The following SLC60A1 variants were observed in gnomAD, a reference collection of about 807,000 sequenced individuals.
SLC60A1 encodes major facilitator superfamily domain containing 4.
chr1:205,597,718 G>A, the SLC60A1 span: 1 of 1,574,484 alleles, frequency 6.4e-7, no homozygotes, highest in Admixed American at 1.7e-5. Context: ...AACCTGGATT[G>A]TAATGCTGGC....
At chr1:205,583,643 T>C in the SLC60A1 span, among the ~76,000 whole-genome samples, 1 of 152,162 alleles carries the variant, frequency 6.6e-6, no homozygotes, top group Non-Finnish European at 1.5e-5. Context: ...GGTGTGACAC[T>C]CCAGCAAGCT....
the SLC60A1 span, chr1:205,585,001 C>A: frequency 3.1e-6 from 5 of 1,610,028 alleles, no homozygotes; most frequent in Non-Finnish European, 4.3e-6. The surrounding 1 kb of genome is among the most constrained non-coding windows in gnomAD (Gnocchi z 4.2). Context: ...GGTGAGCCTG[C>A]CTCAGAGGGC....
At chr1:205,587,427 T>C in the SLC60A1 span, among the ~76,000 whole-genome samples, 17 of 152,268 alleles carry the variant, frequency 1.1e-4, no homozygotes, top group East Asian at 2.7e-3. Context: ...CTCGTGCCAG[T>C]TGACCCCCAA....
the SLC60A1 span, among the ~76,000 whole-genome samples, chr1:205,576,287 G>A: frequency 6.6e-6 from 1 of 152,188 alleles, no homozygotes; most frequent in East Asian, 1.9e-4. Context: ...ATTGCTCTTT[G>A]GGGAAGCCAG....
chr1:205,598,851 A>AT, the SLC60A1 span: 1 of 459,276 alleles, frequency 2.2e-6, no homozygotes, highest in African/African-American at 1.9e-5. Flanking sequence ...AGCTTCAGTG[A>AT]TGATAGAGAT....
At chr1:205,584,180 A>C in the SLC60A1 span, 2 of 1,495,370 alleles carry the variant, frequency 1.3e-6, no homozygotes, top group South Asian at 1.2e-5. Context: ...TTCCTTGGTA[A>C]CCCCTCTCCC....
the SLC60A1 span, chr1:205,569,096 G>C: frequency 6.6e-7 from 1 of 1,510,536 alleles, no homozygotes. Context: ...GCGTGTCGGG[G>C]CTGCTCCGCC....
At chr1:205,571,442 T>C in the SLC60A1 span, among the ~76,000 whole-genome samples, 1 of 152,210 alleles carries the variant, frequency 6.6e-6, no homozygotes, top group South Asian at 2.1e-4. Flanking sequence ...TGACAACTTC[T>C]GGGAATGTAA....
chr1:205,591,403 G>A, the SLC60A1 span, among the ~76,000 whole-genome samples: 2 of 149,026 alleles, frequency 1.3e-5, no homozygotes, highest in East Asian at 4.0e-4. Flanking sequence ...GAACGCTTGA[G>A]CCCTGTAGGT....
the SLC60A1 span, chr1:205,569,207 G>A: frequency 1.2e-5 from 18 of 1,555,614 alleles, 1 homozygote; most frequent in South Asian, 2.0e-4. Flanking sequence ...GCTGTCAGAC[G>A]CACAGCTCGC....
chr1:205,596,335 G>A, the SLC60A1 span, among the ~76,000 whole-genome samples: 1 of 152,016 alleles, frequency 6.6e-6, no homozygotes, highest in Non-Finnish European at 1.5e-5. Context: ...AACCCATCCA[G>A]GCATGGGGAC....
chr1:205,585,248 G>A, the SLC60A1 span, among the ~76,000 whole-genome samples: 1 of 152,134 alleles, frequency 6.6e-6, no homozygotes, highest in African/African-American at 2.4e-5. This position sits in a 1 kb window ranked among gnomAD's most constrained non-coding sequence, Gnocchi z 4.2. Flanking sequence ...ATAGGTAGGG[G>A]CCTAACTGGT....
chr1:205,579,586 C>A, the SLC60A1 span: 1 of 745,298 alleles, frequency 1.3e-6, no homozygotes, highest in Non-Finnish European at 2.2e-6. Flanking sequence ...CAGACTTTGA[C>A]AACTTGCCCA....
At chr1:205,585,236 C>CTA in the SLC60A1 span, among the ~76,000 whole-genome samples, 1 of 152,052 alleles carries the variant, frequency 6.6e-6, no homozygotes, top group Non-Finnish European at 1.5e-5. The surrounding 1 kb of genome is among the most constrained non-coding windows in gnomAD (Gnocchi z 4.2). Context: ...TTTGTTAATG[C>CTA]TATAGGTAGG....
chr1:205,577,987 C>CAT, the SLC60A1 span, among the ~76,000 whole-genome samples: 1 of 152,230 alleles, frequency 6.6e-6, no homozygotes, highest in Non-Finnish European at 1.5e-5. This position sits in a 1 kb window ranked among gnomAD's most constrained non-coding sequence, Gnocchi z 5.2. Flanking sequence ...TTTCCTTTCC[C>CAT]ATACCTCTGC....
chr1:205,588,439 C>T, the SLC60A1 span, among the ~76,000 whole-genome samples: 12 of 130,326 alleles, frequency 9.2e-5, no homozygotes, highest in African/African-American at 3.2e-4. Flanking sequence ...CACTGCCCTC[C>T]AGCCTGAGAG....
the SLC60A1 span, among the ~76,000 whole-genome samples, chr1:205,575,964 T>C: frequency 6.6e-6 from 1 of 152,296 alleles, no homozygotes; most frequent in East Asian, 1.9e-4. Context: ...GCCAAGACTT[T>C]GGATCCTGGC....
chr1:205,586,117 C>A, the SLC60A1 span: 1 of 1,613,598 alleles, frequency 6.2e-7, no homozygotes, highest in Non-Finnish European at 8.5e-7. Flanking sequence ...ACCTCCCCAG[C>A]CTCTTCTGGG....
the SLC60A1 span, among the ~76,000 whole-genome samples, chr1:205,569,963 C>T: frequency 6.6e-6 from 1 of 151,876 alleles, no homozygotes; most frequent in African/African-American, 2.4e-5. Flanking sequence ...AGGACCTCAC[C>T]GTTAAGGCCA....
Sources: allele counts gnomAD v4.1 joint callset (sites outside exome capture counted in the v4.1 genomes callset), GRCh38; gene constraint gnomAD v4.1.1; non-coding constraint Gnocchi (gnomAD v3.1); transcripts MANE v1.5; gene names NCBI Gene and HGNC (gene_info 2026-07-23, HGNC 2026-07-21).